Variants in PRKG2 observed in about 807,000 individuals in gnomAD.
PRKG2 encodes cGMP-dependent protein kinase 2.
Under a neutral mutation model 97.2 loss-of-function variants are expected in PRKG2, and 33 were observed. The observed-to-expected ratio is 0.34, with a 90% CI of 0.26 to 0.45. PRKG2 has a LOEUF of 0.45. Ranked by LOEUF, PRKG2 falls within the 20% of genes least tolerant of loss-of-function variation. PRKG2 has a pLI of 1.00. For synonymous variants in PRKG2, 330 were observed against 321.8 expected, an observed-to-expected ratio of 1.03 and a Z score of -0.27; for missense variants, 638 against 900.0, an observed-to-expected ratio of 0.71 and a Z score of 3.73.
chr4:81,096,299 T>C (rs936228367), intron 17 of PRKG2, among the ~76,000 whole-genome samples: 3 of 152,106 alleles, frequency 2.0e-5, no homozygotes, highest in African/African-American at 7.2e-5. Flanking sequence ...CCTAGCACTT[T>C]GGGAGGCTAA....
intron 14 of PRKG2, among the ~76,000 whole-genome samples, chr4:81,118,879 CA>C (rs1222597017): frequency 5.3e-5 from 8 of 152,156 alleles, no homozygotes; most frequent in African/African-American, 1.4e-4. Context: ...AATGCAGCCG[CA>C]ACCTCCTGGT....
intron 2 of PRKG2, among the ~76,000 whole-genome samples, chr4:81,186,067 G>A (rs759699728): frequency 2.6e-5 from 4 of 152,188 alleles, no homozygotes; most frequent in Admixed American, 6.5e-5. Flanking sequence ...AGATCAACAA[G>A]ACAGAAAAAT....
chr4:81,137,146 A>C (rs1405291253), intron 13 of PRKG2, among the ~76,000 whole-genome samples: 2 of 152,014 alleles, frequency 1.3e-5, no homozygotes, highest in Admixed American at 6.6e-5. Flanking sequence ...TAGTCATGTA[A>C]CCTGGGATAG....
intron 10 of PRKG2, among the ~76,000 whole-genome samples, chr4:81,143,222 G>A (rs1203154069): frequency 6.6e-6 from 1 of 152,114 alleles, no homozygotes; most frequent in East Asian, 1.9e-4. Context: ...ATAGTTTGTG[G>A]TACTTAAAAT....
chr4:81,124,950 T>C (rs1382058664), intron 14 of PRKG2, among the ~76,000 whole-genome samples: 1 of 152,202 alleles, frequency 6.6e-6, no homozygotes, highest in Non-Finnish European at 1.5e-5. Context: ...TTTTAGTTTC[T>C]ATTTCTTAAA....
At chr4:81,153,570 A>C in intron 7 of PRKG2, 74 bp downstream of exon 7, 1 of 1,220,012 alleles carries the variant, frequency 8.2e-7, no homozygotes, top group Non-Finnish European at 1.2e-6. Flanking sequence ...GTTGCAATGC[A>C]AAGCATAGTT....
rs546002094 is a variant in PRKG2, at chr4:81,145,092, G to A, written c.1155-762C>T. ...TACATGTGCATGAGTCTTTATAGCA[G>A]TATGATTTATATTCCTTTGGGTATA... On this transcript the variant is annotated intron_variant, in intron 9 of 18. Coordinates refer to ENST00000264399, the MANE Select transcript of PRKG2 (RefSeq NM_006259.3). Among the ~76,000 whole-genome samples the A allele has an allele frequency of 2.0e-5, 3 of 152,236 alleles. No individual in the cohort carries two copies. In the South Asian group the frequency reaches 6.2e-4, roughly 32 times the overall value.
At chr4:81,206,665 A>G (rs1479224059) in intron 1 of PRKG2, among the ~76,000 whole-genome samples, 1 of 152,218 alleles carries the variant, frequency 6.6e-6, no homozygotes. Context: ...AGAAGAAATG[A>G]AACAGTTTTA....
intron 5 of PRKG2, among the ~76,000 whole-genome samples, chr4:81,169,100 T>C (rs1750239484): frequency 1.3e-5 from 2 of 151,986 alleles, no homozygotes; most frequent in Admixed American, 6.6e-5. Context: ...ATCCAAGGTG[T>C]TGAGGTACAG....
intron 5 of PRKG2, among the ~76,000 whole-genome samples, chr4:81,168,469 C>T (rs1286511069): frequency 6.6e-6 from 1 of 152,090 alleles, no homozygotes; most frequent in Non-Finnish European, 1.5e-5. Context: ...AACTGCTATG[C>T]CTAGTTCACG....
chr4:81,156,049 A>G (rs1749060225), intron 6 of PRKG2, among the ~76,000 whole-genome samples: 2 of 152,188 alleles, frequency 1.3e-5, no homozygotes, highest in Non-Finnish European at 2.9e-5. Flanking sequence ...AGCTAACATC[A>G]TAATGACAGG....
intron 10 of PRKG2, among the ~76,000 whole-genome samples, chr4:81,143,674 G>A (rs977039630): frequency 6.6e-6 from 1 of 151,994 alleles, no homozygotes; most frequent in Non-Finnish European, 1.5e-5. Flanking sequence ...TGACTATATG[G>A]CTTTGATAGC....
intron 14 of PRKG2, among the ~76,000 whole-genome samples, chr4:81,114,415 T>C (rs1744295111): frequency 1.3e-5 from 2 of 152,054 alleles, no homozygotes; most frequent in Admixed American, 6.6e-5. Flanking sequence ...TACTTGTCTA[T>C]AGTAAAATTT....
rs547183020 is a variant in PRKG2, at chr4:81,152,083, A to C, written c.991-29T>G. Reference sequence around the variant, plus strand: ...AACAATGTTAAGCAATACAAACAGAAAGAGACTGAAGAAAAAGGAGAATCT... The same window carrying C: ...AACAATGTTAAGCAATACAAACAGACAGAGACTGAAGAAAAAGGAGAATCT... On this transcript the variant is annotated intron_variant, in intron 7 of 18. Transcript: ENST00000264399. The C allele has an allele frequency of 6.3e-5, 95 of 1,515,518 alleles. No individual in the cohort carries two copies. In the Admixed American group the frequency reaches 7.0e-4, roughly 11 times the overall value. The allele number at this position is 1,515,518 out of a possible 1,614,324, so 93.9% of individuals were successfully genotyped here.
intron 14 of PRKG2, among the ~76,000 whole-genome samples, chr4:81,128,657 G>A (rs113026363): frequency 1.3e-5 from 2 of 152,164 alleles, no homozygotes; most frequent in African/African-American, 2.4e-5. Flanking sequence ...TTGTATTTCT[G>A]TGGGATCAGG....
chr4:81,159,345 G>C (rs540519797), intron 6 of PRKG2, among the ~76,000 whole-genome samples: 1 of 152,016 alleles, frequency 6.6e-6, no homozygotes, highest in Non-Finnish European at 1.5e-5. Context: ...GCAGCCAAAA[G>C]ACACATGAAA....
At chr4:81,197,415 A>G (rs913926928) in intron 2 of PRKG2, among the ~76,000 whole-genome samples, 1 of 152,230 alleles carries the variant, frequency 6.6e-6, no homozygotes, top group Non-Finnish European at 1.5e-5. Context: ...ACCAATTTGG[A>G]ACCAAGCAGA....
chr4:81,094,456 G>A (rs1741915886), intron 17 of PRKG2, among the ~76,000 whole-genome samples: 2 of 152,150 alleles, frequency 1.3e-5, no homozygotes, highest in South Asian at 4.1e-4. Flanking sequence ...AATATACTGA[G>A]TAGAGAAGCT....
intron 6 of PRKG2, among the ~76,000 whole-genome samples, chr4:81,158,103 T>A (rs1749270381): frequency 6.8e-6 from 1 of 146,670 alleles, no homozygotes; most frequent in Non-Finnish European, 1.5e-5. Context: ...GAGAAGGAAA[T>A]AAAGGGTATT....
Sources: gnomAD v4.1 joint callset for allele counts (sites outside exome capture counted in the v4.1 genomes callset) on GRCh38, gnomAD v4.1.1 for gene constraint, MANE v1.5 for transcripts, NCBI Gene and HGNC (gene_info 2026-07-23, HGNC 2026-07-21) for gene names.